The following FAHD2B variants were observed in gnomAD, a reference collection of about 807,000 sequenced individuals.
FAHD2B encodes oxaloacetate tautomerase FAHD2B, mitochondrial.
FAHD2B carries 26 observed loss-of-function variants against 33.7 expected under a neutral mutation model. The observed-to-expected ratio is 0.77, with a 90% CI of 0.57 to 1.07. The LOEUF (loss-of-function observed/expected upper bound fraction) is 1.07, where lower values mean the gene tolerates loss of function less well. Among genes scored for constraint, FAHD2B ranks in the 50% least tolerant of loss-of-function variants. The probability of loss-of-function intolerance (pLI) is 0.00; values close to 1 mark genes in which losing one functional copy is unlikely to be tolerated. For missense variants in FAHD2B, 272 were observed against 388.1 expected (o/e 0.70, Z 2.51); for synonymous variants, 108 against 150.9 (o/e 0.72, Z 2.08).
In FAHD2B at chr2:97,090,313, G is replaced by C. The variant is rs773680535; in HGVS notation, c.258C>G (p.Ala86=). ...CCGACCATGGTAGGACTGGCAACTGGGCAGCCAAGGCTCTGTAGAGACCAG... is the reference window on the plus strand; with the variant it reads ...CCGACCATGGTAGGACTGGCAACTGCGCAGCCAAGGCTCTGTAGAGACCAG... ...TLSVARRALA[A]QLPVLPWSEV... Residue 86 remains alanine (A), a synonymous_variant, in exon 4 of 9, where the codon GCC becomes GCG. Transcript: ENST00000414820. 1.4e-5 allele frequency: 23 copies of C among 1,611,014 alleles called. 1 individual carries two copies. Among genetic ancestry groups the C allele is most frequent in the Non-Finnish European group, 2.0e-5 (23 of 1,178,670 alleles).
In FAHD2B at chr2:97,091,672, G is replaced by C; in HGVS notation, c.35C>G (p.Ala12Gly). Residue 12 changes from alanine to glycine, a missense_variant, in exon 3 of 9, where the codon GCT (alanine) becomes GGT (glycine). Ala to Gly is a moderately conservative substitution (Grantham distance 60). Transcript: ENST00000414820. ...GGGCCACTTCTGAGCCTGCAGCAGA[G>C]CTGTGAGTAATCTTCTTCTACCAGA... ...LVSGRRRLLT[A>G]LLQAQKWPFQ... The C allele has an allele frequency of 6.2e-7, 1 of 1,613,506 alleles. No homozygotes were observed. Among genetic ancestry groups the C allele is most frequent in the Non-Finnish European group, 8.5e-7 (1 of 1,179,680 alleles).
intron 1 of FAHD2B, among the ~76,000 whole-genome samples, chr2:97,092,362 G>C (rs938382244): frequency 1.3e-5 from 2 of 152,074 alleles, no homozygotes; most frequent in Non-Finnish European, 2.9e-5. Context: ...ACCCCCACCT[G>C]CCTCCCCAGA....
downstream of FAHD2B, among the ~76,000 whole-genome samples, chr2:97,079,586 C>A (rs1051593733): frequency 1.3e-5 from 2 of 151,068 alleles, no homozygotes; most frequent in African/African-American, 2.4e-5. Flanking sequence ...TGAAAAGTGT[C>A]TTTTCATGTC....
chr2:97,085,151 C>T (rs1242894932), intron 6 of FAHD2B, among the ~76,000 whole-genome samples: 1 of 151,520 alleles, frequency 6.6e-6, no homozygotes, highest in Non-Finnish European at 1.5e-5. Flanking sequence ...GCACTGGGGT[C>T]TTTGGTATCC....
downstream of FAHD2B, chr2:97,082,404 G>A: frequency 1.2e-6 from 2 of 1,613,708 alleles, no homozygotes; most frequent in Non-Finnish European, 1.7e-6. Context: ...TGCAGAGTCG[G>A]GCTACACAGA....
chr2:97,084,871 C>A (rs1003143471), intron 6 of FAHD2B, among the ~76,000 whole-genome samples: 1 of 149,326 alleles, frequency 6.7e-6, no homozygotes, highest in African/African-American at 2.5e-5. Flanking sequence ...TGGGATTGGG[C>A]CACTGCACTC....
At chr2:97,079,893 G>C (rs1322546133), downstream of FAHD2B, among the ~76,000 whole-genome samples, 1 of 151,988 alleles carries the variant, frequency 6.6e-6, no homozygotes, top group Non-Finnish European at 1.5e-5. Flanking sequence ...TTGAACTTCT[G>C]ACCTCAGGTG....
intron 4 of FAHD2B, among the ~76,000 whole-genome samples, chr2:97,088,722 C>G (rs1042148783): frequency 3.3e-5 from 5 of 151,996 alleles, no homozygotes; most frequent in Admixed American, 3.3e-4. Flanking sequence ...CTTGGTTGAT[C>G]ACAGAGCAAC....
At chr2:97,084,839 G>C (rs566305277) in intron 6 of FAHD2B, among the ~76,000 whole-genome samples, 74 of 150,960 alleles carry the variant, frequency 4.9e-4, no homozygotes, top group African/African-American at 1.8e-3. Context: ...CTTGAACCCA[G>C]GAGGTTGAGG....
At chr2:97,081,591 G>A, downstream of FAHD2B, 2 of 1,510,078 alleles carry the variant, frequency 1.3e-6, no homozygotes, top group Non-Finnish European at 8.8e-7. Flanking sequence ...AGTGCCAGCT[G>A]CCCCAGGCTC....
At chr2:97,083,362 T>C (rs1574367214), downstream of FAHD2B, 23 of 1,490,730 alleles carry the variant, frequency 1.5e-5, no homozygotes, top group East Asian at 4.6e-4. Flanking sequence ...AGCTGCTCTA[T>C]AAATATAATC....
chr2:97,085,919 C>T (rs1269267581), intron 5 of FAHD2B, 58 bp from the exon 6 acceptor site: 1 of 1,606,150 alleles, frequency 6.2e-7, no homozygotes, highest in East Asian at 2.2e-5. Context: ...ACACCAACAC[C>T]TGTGGCAAGG....
At chr2:97,087,922 A>G (rs1225394339) in intron 4 of FAHD2B, among the ~76,000 whole-genome samples, 2 of 151,854 alleles carry the variant, frequency 1.3e-5, no homozygotes, top group Non-Finnish European at 2.9e-5. Flanking sequence ...GACCACTGAC[A>G]TGAGCCTCCC....
downstream of FAHD2B, among the ~76,000 whole-genome samples, chr2:97,079,582 G>C (rs1333621432): frequency 1.3e-5 from 2 of 151,774 alleles, no homozygotes; most frequent in Non-Finnish European, 2.9e-5. Context: ...CTTTTGAAAA[G>C]TGTCTTTTCA....
chr2:97,087,623 T>C (rs867480330), intron 4 of FAHD2B, among the ~76,000 whole-genome samples: 33 of 152,056 alleles, frequency 2.2e-4, no homozygotes, highest in South Asian at 8.4e-4. Context: ...TGCTTGAACC[T>C]GGGAGGCAGT....
chr2:97,089,510 T>A lies in FAHD2B; in HGVS notation c.462+599A>T, dbSNP rs1349521640. Among the ~76,000 whole-genome samples, 65 of 95,108 alleles carry A rather than the reference T, an allele frequency of 6.8e-4. 1 individual carries two copies. Among genetic ancestry groups the A allele is most frequent in the African/African-American group, 2.1e-3 (63 of 29,766 alleles). The allele number at this position is 95,108 out of a possible 152,430, so 62.4% of individuals were successfully genotyped here. A position where few individuals can be genotyped will look rare whatever the true frequency, so the allele number is the denominator to read the frequency against. On this transcript the variant is annotated intron_variant, in intron 4 of 8. Coordinates refer to ENST00000414820, the MANE Select transcript of FAHD2B (RefSeq NM_001320848.2). ...CTCCAGCCTGGCAACAGAGAAAGAC[T>A]CTGTCTCAAAAAAAAAAAAAAAAAA...
intron 1 of FAHD2B, among the ~76,000 whole-genome samples, chr2:97,093,297 C>T (rs1574385907): frequency 6.6e-6 from 1 of 152,098 alleles, no homozygotes; most frequent in Middle Eastern, 3.4e-3. Context: ...GACTAGAAAA[C>T]AGAGTTTTGA....
intron 1 of FAHD2B, among the ~76,000 whole-genome samples, chr2:97,092,965 CAAAAAA>C (rs748844060): frequency 4.7e-5 from 3 of 64,216 alleles, no homozygotes; most frequent in Non-Finnish European, 6.3e-5. Context: ...AGAGCGACTC[CAAAAAA>C]AAAAAAAAAA....
downstream of FAHD2B, chr2:97,082,009 A>G: frequency 1.9e-6 from 3 of 1,547,728 alleles, no homozygotes; most frequent in Non-Finnish European, 2.6e-6. Context: ...AGCCTGTGAC[A>G]CAGGGCAACG....
Sources: allele counts gnomAD v4.1 joint callset (sites outside exome capture counted in the v4.1 genomes callset), GRCh38; gene constraint gnomAD v4.1.1; transcripts MANE v1.5; gene names NCBI Gene and HGNC (gene_info 2026-07-23, HGNC 2026-07-21).